Variants in PCNT observed in about 807,000 individuals in gnomAD.
The protein encoded by PCNT is pericentrin.
In PCNT, 319 loss-of-function variants were observed where a neutral mutation model predicts 380.4. That is an observed-to-expected ratio of 0.84 (90% CI 0.77 to 0.92). The LOEUF is 0.92. PCNT is among the 40% of genes least tolerant of loss of function. The pLI is 0.00. For missense variants in PCNT, 4,400 were observed against 4,255.3 expected, an observed-to-expected ratio of 1.03 and a Z score of -0.95; for synonymous variants, 1,845 against 1,735.2, an observed-to-expected ratio of 1.06 and a Z score of -1.57.
chr21:46,386,513 G>A (rs1223090363), intron 17 of PCNT, among the ~76,000 whole-genome samples: 2 of 152,340 alleles, frequency 1.3e-5, no homozygotes, highest in East Asian at 3.9e-4. Flanking sequence ...GCACTGGGCT[G>A]AGCGCCCAGC....
intron 10 of PCNT, among the ~76,000 whole-genome samples, chr21:46,353,531 C>T (rs894070261): frequency 1.3e-5 from 2 of 151,994 alleles, no homozygotes; most frequent in Non-Finnish European, 2.9e-5. Flanking sequence ...CATTGGTGGC[C>T]ACACTCTGTC....
At chr21:46,336,179 A>G (rs778430924) in intron 3 of PCNT, among the ~76,000 whole-genome samples, 10 of 151,740 alleles carry the variant, frequency 6.6e-5, no homozygotes, top group Admixed American at 1.3e-4. Context: ...GTTTCATCAT[A>G]TTGGTCAGAC....
chr21:46,369,914 T>G (rs1001261662), intron 15 of PCNT, among the ~76,000 whole-genome samples: 3 of 152,180 alleles, frequency 2.0e-5, no homozygotes, highest in Non-Finnish European at 1.5e-5. Flanking sequence ...GCTGCCAAGA[T>G]GCAGGAGCAT....
At position 46,401,700 on chromosome 21, in the gene PCNT, A is replaced by C. The variant is rs373268532; in HGVS notation, c.4941A>C (p.Ala1647=). 2 of 1,613,730 alleles carry C rather than the reference A, an allele frequency of 1.2e-6. No homozygotes were observed. The highest frequency in any genetic ancestry group is 1.7e-6 in the Non-Finnish European group (2 of 1,179,930). Reference sequence around the variant, plus strand: ...TACAGTTAGAGGTGACACAGAGAGCACTCCTGCGGCGCGAGAGCGAGGTGA... The same window carrying C: ...TACAGTTAGAGGTGACACAGAGAGCCCTCCTGCGGCGCGAGAGCGAGGTGA... ...PEIQLEVTQR[A]LLRRESEVLD... The change falls in exon 26 of 47, where the codon GCA becomes GCC. Residue 1647 remains alanine (A), a synonymous_variant. Coordinates refer to ENST00000359568, the MANE Select transcript of PCNT (RefSeq NM_006031.6).
intron 38 of PCNT, among the ~76,000 whole-genome samples, chr21:46,433,818 C>T (rs911036081): frequency 1.3e-5 from 2 of 152,124 alleles, no homozygotes; most frequent in African/African-American, 4.8e-5. Context: ...GTCTTCCAAG[C>T]TGGAGTGCAA....
chr21:46,393,732 C>T (rs75764723), intron 21 of PCNT, among the ~76,000 whole-genome samples: 7,107 of 152,270 alleles, frequency 0.047, 214 homozygotes, highest in Non-Finnish European at 0.063. Context: ...GGCCTGAGCA[C>T]GTGGGTCTGA....
At chr21:46,390,098 G>A (rs1027273957) in intron 19 of PCNT, among the ~76,000 whole-genome samples, 1 of 152,258 alleles carries the variant, frequency 6.6e-6, no homozygotes, top group African/African-American at 2.4e-5. Context: ...GCCGTGGACG[G>A]CCTCATGGAG....
intron 27 of PCNT, among the ~76,000 whole-genome samples, chr21:46,410,925 T>C (rs1029286164): frequency 1.3e-4 from 20 of 152,256 alleles, no homozygotes; most frequent in African/African-American, 4.6e-4. Context: ...CATCATTCTG[T>C]AGATGTCCTT....
intron 15 of PCNT, among the ~76,000 whole-genome samples, chr21:46,370,100 T>G (rs1214860648): frequency 3.9e-5 from 6 of 152,284 alleles, no homozygotes; most frequent in African/African-American, 1.4e-4. Context: ...GTTCAGGCAC[T>G]TACGGATACA....
intron 35 of PCNT, among the ~76,000 whole-genome samples, chr21:46,429,183 C>T (rs1041572446): frequency 6.6e-6 from 1 of 152,152 alleles, no homozygotes; most frequent in East Asian, 1.9e-4. Flanking sequence ...CTTGTCCCGG[C>T]GCCCATGCCC....
intron 31 of PCNT, 137 bp from the exon 32 acceptor site, chr21:46,421,833 T>C: frequency 1.0e-6 from 1 of 974,296 alleles, no homozygotes; most frequent in East Asian, 2.4e-5. Flanking sequence ...CATCAGTGTT[T>C]TCTCCGTGAG....
intron 3 of PCNT, among the ~76,000 whole-genome samples, chr21:46,337,651 C>G (rs766409781): frequency 2.6e-5 from 4 of 152,154 alleles, no homozygotes; most frequent in African/African-American, 9.7e-5. Flanking sequence ...GGCGCGATCT[C>G]GGCTCTCCGC....
rs1241856294 is a variant in PCNT at position 46,378,700 on chromosome 21, A to G, written c.3166-2994A>G. Among the ~76,000 whole-genome samples the G allele has an allele frequency of 2.0e-5, 3 of 152,218 alleles. 1 individual carries two copies. The highest frequency in any genetic ancestry group is 1.9e-4 in the East Asian group (1 of 5,200). On this transcript the variant is annotated intron_variant, in intron 15 of 46. Transcript: ENST00000359568. ...GAAACCGCAGACAAAGGGGACTGAT[A>G]TATATTGAGTTATTTTCTTAGCGCT...
intron 10 of PCNT, 34 bp downstream of exon 10, chr21:46,353,360 T>G (rs1397707951): frequency 6.4e-7 from 1 of 1,560,912 alleles, no homozygotes; most frequent in Non-Finnish European, 8.8e-7. Flanking sequence ...AGTGAGTTTC[T>G]GCCATACAGG....
intron 21 of PCNT, among the ~76,000 whole-genome samples, chr21:46,395,811 G>C (rs1243394064): frequency 6.6e-6 from 1 of 151,488 alleles, no homozygotes; most frequent in East Asian, 1.9e-4. Flanking sequence ...CTCCATCTCA[G>C]AAATAATAGT....
Position 46,431,629 on chromosome 21 carries a change from T to C in PCNT, c.8165T>C (p.Leu2722Pro). The change falls in exon 38 of 47, where the codon CTG (leucine) becomes CCG (proline). Residue 2722 changes from leucine to proline, a missense_variant. By Grantham distance (98) the Leu-to-Pro change is moderately conservative. Coordinates refer to ENST00000359568, the MANE Select transcript of PCNT (RefSeq NM_006031.6). ...GCCAAGGACAACCTGCAGAAGGAGCTGCGTATCGAGCACTCACGCTGCGAG... is the reference window on the plus strand; with the variant it reads ...GCCAAGGACAACCTGCAGAAGGAGCCGCGTATCGAGCACTCACGCTGCGAG... ...QTAKDNLQKE[L>P]RIEHSRCEAL... 6.2e-7 allele frequency: 1 copy of C among 1,613,952 alleles called. No individual in the cohort carries two copies. The highest frequency in any genetic ancestry group is 8.5e-7 in the Non-Finnish European group (1 of 1,179,918).
chr21:46,345,805 C>G (rs2146536203), intron 3 of PCNT, among the ~76,000 whole-genome samples: 1 of 152,328 alleles, frequency 6.6e-6, no homozygotes, highest in African/African-American at 2.4e-5. Flanking sequence ...AGATCCTGAA[C>G]ACTTGATGTA....
chr21:46,337,122 C>G (rs1056869897), intron 3 of PCNT, among the ~76,000 whole-genome samples: 5 of 152,046 alleles, frequency 3.3e-5, no homozygotes, highest in Admixed American at 1.3e-4. Context: ...CTCAGCCTCT[C>G]TAGTAGCTGC....
chr21:46,437,066 G>T lies in PCNT; in HGVS notation c.9084G>T (p.Arg3028Ser). 1 of 1,613,442 alleles carries T rather than the reference G, an allele frequency of 6.2e-7. No homozygotes were observed. Among genetic ancestry groups the T allele is most frequent in the South Asian group, 1.1e-5 (1 of 91,052 alleles). Residue 3028 changes from arginine (R) to serine (S), a missense_variant, in exon 40 of 47, where the codon AGG (arginine) becomes AGT (serine). Physicochemically the swap from Arg to Ser is moderately radical, Grantham distance 110 (BLOSUM62 -1). Transcript: ENST00000359568. Reference protein sequence around the residue: ...TLEELKSDLSRPTSSQKKMAA... With the variant: ...TLEELKSDLSSPTSSQKKMAA... ...AGGAGCTGAAGTCTGACTTGAGCAG[G>T]CCCACCTCCTCCCAGGTAAGGGGTG... is the stretch of plus-strand genomic sequence containing the variant.
Sources: gnomAD v4.1 joint callset for allele counts (sites outside exome capture counted in the v4.1 genomes callset) on GRCh38, gnomAD v4.1.1 for gene constraint, MANE v1.5 for transcripts, NCBI Gene and HGNC (gene_info 2026-07-23, HGNC 2026-07-21) for gene names.